ACYP2: variants seen among roughly 807,000 people sequenced by gnomAD.
ACYP2 encodes acylphosphatase 2.
Under a neutral mutation model 11.2 loss-of-function variants are expected in ACYP2, and 12 were observed. The observed-to-expected ratio is 1.08, with a 90% CI of 0.69 to 1.74. The LOEUF (loss-of-function observed/expected upper bound fraction) is 1.74, where lower values mean the gene tolerates loss of function less well. Among genes scored for constraint, ACYP2 ranks in the 40% most tolerant of loss-of-function variants. ACYP2 has a pLI of 0.00. For synonymous variants in ACYP2, 43 were observed against 32.2 expected (o/e 1.33, Z -1.13); for missense variants, 134 against 101.9 (o/e 1.31, Z -1.35).
chr2:54,021,420 G>C (rs1483580107), intron 2 of ACYP2, among the ~76,000 whole-genome samples: 1 of 152,166 alleles, frequency 6.6e-6, no homozygotes, highest in Non-Finnish European at 1.5e-5. Context: ...TGGTTCTTTG[G>C]AGAGGATCTC....
At position 54,276,657 on chromosome 2, in the gene ACYP2, ACACAC is replaced by A. The variant is rs56679038; in HGVS notation, c.405-28025_405-28021del. 7.9e-3 allele frequency among the ~76,000 whole-genome samples: 1,165 copies of A among 147,518 alleles called. 8 individuals are homozygous for A. Among genetic ancestry groups the A allele is most frequent in the African/African-American group, 0.028 (1,071 of 38,256 alleles). ...CACACACACACACACACACACACAC[ACACAC>A]CACACACAAGAAAAATTGTTTTTTT... On this transcript the variant is annotated intron_variant, in intron 6 of 6. Transcript: ENST00000607452.
intron 6 of ACYP2, chr2:54,255,557 C>T (rs747927664): frequency 6.2e-7 from 1 of 1,610,750 alleles, no homozygotes; most frequent in Non-Finnish European, 8.5e-7. Flanking sequence ...AGGTGGAGAC[C>T]CACGTTCAGG....
At chr2:54,267,746 T>C (rs547350113) in intron 6 of ACYP2, among the ~76,000 whole-genome samples, 4 of 152,306 alleles carry the variant, frequency 2.6e-5, no homozygotes, top group Non-Finnish European at 4.4e-5. Flanking sequence ...AAAATGATTG[T>C]TGGCAAAAGA....
At chr2:54,031,162 C>G (rs907861246) in intron 2 of ACYP2, among the ~76,000 whole-genome samples, 1 of 152,166 alleles carries the variant, frequency 6.6e-6, no homozygotes, top group Non-Finnish European at 1.5e-5. Context: ...TTCTAGGGTA[C>G]ATGTGCACAA....
intron 6 of ACYP2, among the ~76,000 whole-genome samples, chr2:54,291,529 C>T (rs1189791328): frequency 1.3e-5 from 2 of 152,236 alleles, no homozygotes; most frequent in Non-Finnish European, 2.9e-5. Flanking sequence ...ACTGCAGACA[C>T]TGGAGAGCTA....
chr2:54,085,289 G>T (rs1385219785), intron 4 of ACYP2, among the ~76,000 whole-genome samples: 1 of 152,156 alleles, frequency 6.6e-6, no homozygotes, highest in African/African-American at 2.4e-5. Context: ...CTGTGAGTGA[G>T]TGGGTGCTTG....
At chr2:54,051,689 G>A in intron 3 of ACYP2, 1 of 652,332 alleles carries the variant, frequency 1.5e-6, no homozygotes, top group Non-Finnish European at 2.8e-6. Context: ...GCTGCATATT[G>A]AGCTAAAGGA....
At position 54,049,369 on chromosome 2, in the gene ACYP2, A is replaced by G. The variant is rs551452411; in HGVS notation, c.63-1589A>G. The stretch of plus-strand genomic sequence containing the variant: ...CCTCCTCAGACACTTGCCCCTGTCA[A>G]TGTGTCTTTTTCTTCTCCGTGGTTT... On this transcript the variant is annotated intron_variant, in intron 2 of 6. Transcript: ENST00000607452. Among the ~76,000 whole-genome samples the G allele has an allele frequency of 2.0e-5, 3 of 152,160 alleles. No individual in the cohort carries two copies. The East Asian group carries it at 5.8e-4, about 29-fold the overall frequency.
intron 2 of ACYP2, among the ~76,000 whole-genome samples, chr2:54,026,945 C>A (rs1674319531): frequency 6.6e-6 from 1 of 152,166 alleles, no homozygotes; most frequent in Admixed American, 6.5e-5. Flanking sequence ...AGACTACACA[C>A]TGGGTACAGT....
At chr2:54,118,850 A>G (rs1430390252) in intron 4 of ACYP2, among the ~76,000 whole-genome samples, 1 of 152,176 alleles carries the variant, frequency 6.6e-6, no homozygotes, top group Non-Finnish European at 1.5e-5. Context: ...ATATTTACAT[A>G]CATCTACATT....
At chr2:54,263,484 C>T (rs912114202) in intron 6 of ACYP2, among the ~76,000 whole-genome samples, 2 of 152,158 alleles carry the variant, frequency 1.3e-5, no homozygotes, top group Non-Finnish European at 2.9e-5. Context: ...ATCAGCCAGG[C>T]ATGGTGCTGC....
In ACYP2 at chr2:54,178,611, G is replaced by C. The variant is rs1424211768; in HGVS notation, c.404+39863G>C. Among the ~76,000 whole-genome samples the C allele has an allele frequency of 2.0e-5, 3 of 152,170 alleles. No individual in the cohort carries two copies. The East Asian group carries it at 5.8e-4, about 29-fold the overall frequency. ...AACATCTTTTATGTTTTCTGGGCCA[G>C]ACTTTGTGTGGATATTGGATAATAG... On this transcript the variant is annotated intron_variant, in intron 6 of 6. Coordinates refer to ENST00000607452, the MANE Select transcript of ACYP2 (RefSeq NM_001320586.2).
At chr2:54,212,166 G>T (rs926609087) in intron 6 of ACYP2, among the ~76,000 whole-genome samples, 10 of 152,272 alleles carry the variant, frequency 6.6e-5, no homozygotes, top group Admixed American at 1.3e-4. Flanking sequence ...AAGCTGGAGA[G>T]TTTTATCTCA....
At chr2:54,019,611 T>TATG (rs1252527828) in intron 2 of ACYP2, among the ~76,000 whole-genome samples, 1 of 150,404 alleles carries the variant, frequency 6.6e-6, no homozygotes, top group Non-Finnish European at 1.5e-5. Flanking sequence ...CCTGTGCTTT[T>TATG]ATTATTATTA....
chr2:54,116,188 A>G (rs1186172053), intron 4 of ACYP2, among the ~76,000 whole-genome samples: 1 of 152,214 alleles, frequency 6.6e-6, no homozygotes, highest in African/African-American at 2.4e-5. Context: ...TCAGAGGTCA[A>G]ACCTTTTTTT....
At chr2:54,193,713 C>T (rs1469466142) in intron 6 of ACYP2, among the ~76,000 whole-genome samples, 2 of 152,030 alleles carry the variant, frequency 1.3e-5, no homozygotes, top group Non-Finnish European at 2.9e-5. Flanking sequence ...GGAATGTAGC[C>T]TGGAATGACT....
At chr2:53,975,525 AG>A (rs1671429599) in intron 2 of ACYP2, 1 of 373,378 alleles carries the variant, frequency 2.7e-6, no homozygotes. Flanking sequence ...ACACTGCCAA[AG>A]GATAACAGCA....
chr2:54,142,521 A>C (rs1384325156), intron 6 of ACYP2: 1 of 152,078 alleles, frequency 6.6e-6, no homozygotes, highest in African/African-American at 2.4e-5. Flanking sequence ...TCAGGAGTTC[A>C]AGACCAGCCT....
At chr2:53,994,451 G>A (rs1489117175) in intron 2 of ACYP2, among the ~76,000 whole-genome samples, 2 of 150,508 alleles carry the variant, frequency 1.3e-5, no homozygotes, top group East Asian at 2.0e-4. Context: ...CCCAGGAGGT[G>A]GAGGTTGCAG....
Sources: allele counts gnomAD v4.1 joint callset (sites outside exome capture counted in the v4.1 genomes callset), GRCh38; gene constraint gnomAD v4.1.1; transcripts MANE v1.5; gene names NCBI Gene and HGNC (gene_info 2026-07-23, HGNC 2026-07-21).